ANO3: variants seen among roughly 807,000 people sequenced by gnomAD.
The protein encoded by ANO3 is anoctamin-3.
ANO3 carries 99 observed loss-of-function variants against 144.8 expected under a neutral mutation model. The ratio of observed to expected loss-of-function variants is 0.68; its 90% CI spans 0.58 to 0.81. The LOEUF is 0.81. ANO3 is among the 30% of genes least tolerant of loss of function. The probability of loss-of-function intolerance (pLI) is 0.00; values close to 1 mark genes in which losing one functional copy is unlikely to be tolerated. For synonymous variants in ANO3, 414 were observed against 392.6 expected (o/e 1.05, Z -0.64); for missense variants, 905 against 1,202.2 (o/e 0.75, Z 3.66).
At chr11:26,443,672 T>G in intron 2 of ANO3, 93 bp from the exon 3 acceptor site, 1 of 596,302 alleles carries the variant, frequency 1.7e-6, no homozygotes, top group Admixed American at 3.5e-5. Context: ...TTTCATCATG[T>G]TTGGCCATCA....
In ANO3 at chr11:26,332,172, C is replaced by T. The variant is rs1179327210; in HGVS notation, c.-104C>T. The stretch of plus-strand genomic sequence containing the variant: ...CTACAGCAGGTGTCGGATTGCAGTG[C>T]GCTCGCTGAGGCTCCGGACCTTGGA... On this transcript the variant is annotated 5_prime_UTR_variant, in exon 1 of 27. Transcript: ENST00000256737. The T allele has an allele frequency of 2.5e-6, 4 of 1,601,610 alleles. No individual in the cohort carries two copies. Among genetic ancestry groups the T allele is most frequent in the Admixed American group, 3.4e-5 (2 of 58,788 alleles).
chr11:26,199,419 G>T (rs375922286), intron 1 of ANO3, among the ~76,000 whole-genome samples: 22 of 152,106 alleles, frequency 1.4e-4, no homozygotes, highest in African/African-American at 4.3e-4. Context: ...GTCTCAGATT[G>T]GCCAAGCCTG....
At chr11:26,451,041 C>G (rs1858911644) in intron 3 of ANO3, among the ~76,000 whole-genome samples, 1 of 152,306 alleles carries the variant, frequency 6.6e-6, no homozygotes, top group Non-Finnish European at 1.5e-5. Flanking sequence ...CCACTTGAGT[C>G]AGCATAAGTT....
intron 6 of ANO3, among the ~76,000 whole-genome samples, chr11:26,520,086 C>T (rs570894721): frequency 2.0e-5 from 3 of 152,200 alleles, no homozygotes; most frequent in Admixed American, 2.0e-4. Flanking sequence ...TTGTTGTTCC[C>T]TTAACTTAGA....
At chr11:26,259,088 GT>G (rs777903279) in intron 1 of ANO3, among the ~76,000 whole-genome samples, 8 of 152,106 alleles carry the variant, frequency 5.3e-5, no homozygotes, top group Non-Finnish European at 1.2e-4. Flanking sequence ...TAAGACCAAT[GT>G]TTTATATTCC....
At chr11:26,394,712 G>A (rs151257254) in intron 1 of ANO3, among the ~76,000 whole-genome samples, 2,233 of 151,712 alleles carry the variant, frequency 0.015, 61 homozygotes, top group Admixed American at 0.074. Flanking sequence ...CAAGTAGCTG[G>A]GATTAGAGGC....
At chr11:26,571,134 T>C (rs1396035104) in intron 14 of ANO3, among the ~76,000 whole-genome samples, 1 of 152,100 alleles carries the variant, frequency 6.6e-6, no homozygotes, top group Non-Finnish European at 1.5e-5. Context: ...TTTTCAGTCA[T>C]AAAATTCAGT....
chr11:26,318,700 T>C (rs1363301124), intron 1 of ANO3, among the ~76,000 whole-genome samples: 1 of 152,204 alleles, frequency 6.6e-6, no homozygotes, highest in Non-Finnish European at 1.5e-5. Flanking sequence ...ACTTGTATGA[T>C]GTGCATCAGG....
chr11:26,239,555 A>AT (rs978587593), intron 1 of ANO3, among the ~76,000 whole-genome samples: 3 of 152,088 alleles, frequency 2.0e-5, no homozygotes, highest in African/African-American at 7.2e-5. Context: ...CAACAAAGAG[A>AT]TTTTTCCTTT....
intron 1 of ANO3, among the ~76,000 whole-genome samples, chr11:26,425,861 T>G (rs543118657): frequency 6.6e-6 from 1 of 152,216 alleles, no homozygotes; most frequent in South Asian, 2.1e-4. Context: ...TTGGAGTAAA[T>G]GGATGGTGTT....
chr11:26,392,149 A>G (rs1325585156), intron 1 of ANO3, among the ~76,000 whole-genome samples: 2 of 151,760 alleles, frequency 1.3e-5, no homozygotes, highest in East Asian at 3.9e-4. Flanking sequence ...AGCTCTTTTC[A>G]TAATAACCTC....
chr11:26,219,580 C>A (rs1852101397), intron 1 of ANO3, among the ~76,000 whole-genome samples: 1 of 152,070 alleles, frequency 6.6e-6, no homozygotes, highest in Non-Finnish European at 1.5e-5. Context: ...GAAAGTGAGA[C>A]ATGCAAAAGA....
intron 1 of ANO3, among the ~76,000 whole-genome samples, chr11:26,266,442 T>C (rs1853308846): frequency 6.6e-6 from 1 of 151,002 alleles, no homozygotes; most frequent in Non-Finnish European, 1.5e-5. Flanking sequence ...ATTTTTTTTT[T>C]TTTTTTTTTG....
chr11:26,531,401 A>G (rs1488575139), intron 8 of ANO3, 65 bp downstream of exon 8: 2 of 1,513,194 alleles, frequency 1.3e-6, no homozygotes, highest in Non-Finnish European at 8.9e-7. Flanking sequence ...TTATAGAATA[A>G]AAACACCTGG....
intron 14 of ANO3, chr11:26,565,616 G>T: frequency 6.2e-7 from 1 of 1,612,842 alleles, no homozygotes; most frequent in Non-Finnish European, 8.5e-7. Context: ...TTATTCCGTG[G>T]CTGTTGTTGG....
chr11:26,661,414 A>T lies in ANO3; in HGVS notation c.*970A>T, dbSNP rs1853874144. The stretch of plus-strand genomic sequence containing the variant: ...ACGTAGTATACATTGTGGTTTATGC[A>T]GCTCTGACACCAGTTTTTGCTATTG... On this transcript the variant is annotated 3_prime_UTR_variant, in exon 27 of 27. Coordinates refer to ENST00000256737, the MANE Select transcript of ANO3 (RefSeq NM_031418.4). The T allele has an allele frequency of 6.6e-6, 1 of 152,584 alleles. No individual in the cohort carries two copies. The highest frequency in any genetic ancestry group is 1.5e-5 in the Non-Finnish European group (1 of 68,014). 9.5% of individuals were successfully genotyped at this position (152,584 alleles called of 1,614,324 possible).
intron 1 of ANO3, among the ~76,000 whole-genome samples, chr11:26,242,967 C>A (rs10834932): frequency 0.36 from 54,479 of 151,924 alleles, 9,896 homozygotes; most frequent in African/African-American, 0.37. Flanking sequence ...TATTGTATAT[C>A]ATCATCACTT....
intron 7 of ANO3, 46 bp downstream of exon 7, chr11:26,525,725 G>A: frequency 6.8e-7 from 1 of 1,476,950 alleles, no homozygotes; most frequent in Non-Finnish European, 9.3e-7. Context: ...TTGTCGTTTT[G>A]AAAAAAATAA....
intron 1 of ANO3, among the ~76,000 whole-genome samples, chr11:26,248,024 C>A (rs1852838717): frequency 6.6e-6 from 1 of 151,560 alleles, no homozygotes; most frequent in African/African-American, 2.4e-5. Context: ...AGCCAACATA[C>A]CTGGACGCTC....
Sources: allele counts gnomAD v4.1 joint callset (sites outside exome capture counted in the v4.1 genomes callset), GRCh38; gene constraint gnomAD v4.1.1; transcripts MANE v1.5; gene names NCBI Gene and HGNC (gene_info 2026-07-23, HGNC 2026-07-21).